Variants in IGSF10 observed in about 807,000 individuals in gnomAD.
IGSF10 encodes the protein calvaria mechanical force protein 608.
In IGSF10, 126 loss-of-function variants were observed where a neutral mutation model predicts 128.2. The ratio of observed to expected loss-of-function variants is 0.98; its 90% CI spans 0.85 to 1.14. The LOEUF (loss-of-function observed/expected upper bound fraction) is 1.14. Ranked by LOEUF, IGSF10 falls within the 50% of genes most tolerant of loss-of-function variation. The pLI is 0.00. For missense variants in IGSF10, 3,295 were observed against 3,149.8 expected (o/e 1.05, Z -1.10); for synonymous variants, 1,185 against 1,146.2 (o/e 1.03, Z -0.68).
At chr3:151,454,767 G>A (rs561532731) in intron 4 of IGSF10, among the ~76,000 whole-genome samples, 1 of 152,174 alleles carries the variant, frequency 6.6e-6, no homozygotes, top group South Asian at 2.1e-4. Context: ...GCTGAGGCGG[G>A]CAGATCACTT....
chr3:151,563,447 G>C, the IGSF10 span, among the ~76,000 whole-genome samples: 2 of 152,180 alleles, frequency 1.3e-5, no homozygotes, highest in African/African-American at 4.8e-5. Context: ...TCTAGGGAGA[G>C]AGTTCAGTTT....
the IGSF10 span, among the ~76,000 whole-genome samples, chr3:151,478,273 T>C: frequency 9.9e-5 from 15 of 152,228 alleles, no homozygotes; most frequent in African/African-American, 3.6e-4. Context: ...ACCATGGTGT[T>C]CTTTGTCATG....
At chr3:151,557,688 C>G in the IGSF10 span, among the ~76,000 whole-genome samples, 1 of 151,882 alleles carries the variant, frequency 6.6e-6, no homozygotes, top group African/African-American at 2.4e-5. Flanking sequence ...GACTTCCAAT[C>G]TCTCTGGAAA....
the IGSF10 span, among the ~76,000 whole-genome samples, chr3:151,471,234 C>G: frequency 6.6e-6 from 1 of 152,104 alleles, no homozygotes; most frequent in Non-Finnish European, 1.5e-5. Context: ...GCTTCCCCAG[C>G]CATGTGGAAC....
chr3:151,515,362 G>A, the IGSF10 span, among the ~76,000 whole-genome samples: 1,738 of 149,760 alleles, frequency 0.012, 18 homozygotes, highest in Middle Eastern at 0.056. Context: ...GCAAACTATC[G>A]CAAGGACAGA....
the IGSF10 span, among the ~76,000 whole-genome samples, chr3:151,514,391 T>C: frequency 9.3e-4 from 141 of 152,292 alleles, 2 homozygotes; most frequent in Non-Finnish European, 2.9e-4. Flanking sequence ...ATTTAATAAA[T>C]GGTGCTGGGA....
chr3:151,454,172 C>T (rs1721665146), intron 4 of IGSF10, among the ~76,000 whole-genome samples: 1 of 151,946 alleles, frequency 6.6e-6, no homozygotes. Flanking sequence ...TGCCCACCAC[C>T]ATGCCCAGCT....
the IGSF10 span, among the ~76,000 whole-genome samples, chr3:151,476,613 G>A: frequency 3.3e-5 from 5 of 152,160 alleles, no homozygotes; most frequent in African/African-American, 9.7e-5. Flanking sequence ...TGCGCCTTGG[G>A]ACTGGGCCTG....
rs909812596 is a variant in IGSF10 at position 151,459,442 on chromosome 3, C to CA, written c.-1-733dup. Reference sequence around the variant, plus strand: ...TTCTAACCGGTTTTCAAGTCCCTGCCAAAAAAAAAGACACATTGAACACTT... The same window carrying CA: ...TTCTAACCGGTTTTCAAGTCCCTGCCAAAAAAAAAAGACACATTGAACACTT... On this transcript the variant is annotated intron_variant, in intron 2 of 7. Transcript: ENST00000282466. Among the ~76,000 whole-genome samples the CA allele has an allele frequency of 1.7e-3, 256 of 150,020 alleles. 1 individual carries two copies. The highest frequency in any genetic ancestry group is 1.4e-3 in the East Asian group (7 of 5,134).
the IGSF10 span, among the ~76,000 whole-genome samples, chr3:151,469,221 T>G: frequency 6.6e-6 from 1 of 152,224 alleles, no homozygotes; most frequent in Non-Finnish European, 1.5e-5. Context: ...ATCTTTATAA[T>G]AGAATGATTT....
In IGSF10 at chr3:151,460,981, C is replaced by T. The variant is rs113242095; in HGVS notation, c.-124G>A. On this transcript the variant is annotated 5_prime_UTR_variant, in exon 1 of 8. Coordinates refer to ENST00000282466, the MANE Select transcript of IGSF10 (RefSeq NM_178822.5). ...TGGTGACCAATGGGCTCGAGCTGCC[C>T]GGGCTAGGTCCCGGGCTCGGTCCCG... 6.1e-6 allele frequency: 6 copies of T among 984,624 alleles called. No homozygotes were observed. Among genetic ancestry groups the T allele is most frequent in the African/African-American group, 5.2e-5 (3 of 57,212 alleles). The allele number at this position is 984,624 out of a possible 1,614,324, so 61.0% of individuals were successfully genotyped here.
At chr3:151,464,204 T>G (rs1036237665), upstream of IGSF10, among the ~76,000 whole-genome samples, 1 of 152,214 alleles carries the variant, frequency 6.6e-6, no homozygotes, top group African/African-American at 2.4e-5. Context: ...AAGGATGGTT[T>G]GACATTTTAA....
At chr3:151,480,949 C>T in the IGSF10 span, among the ~76,000 whole-genome samples, 1 of 152,272 alleles carries the variant, frequency 6.6e-6, no homozygotes, top group South Asian at 2.1e-4. Flanking sequence ...GGCATAGTAC[C>T]CTGTCCCCCA....
chr3:151,496,544 T>C, the IGSF10 span, among the ~76,000 whole-genome samples: 1 of 84,268 alleles, frequency 1.2e-5, no homozygotes, highest in East Asian at 3.9e-4. Flanking sequence ...TATGGCTGCA[T>C]AGTATTCCAT....
chr3:151,591,788 A>C, the IGSF10 span, among the ~76,000 whole-genome samples: 2 of 152,188 alleles, frequency 1.3e-5, no homozygotes, highest in African/African-American at 4.8e-5. Context: ...GGAAAGAGGA[A>C]GAATTTTGCT....
chr3:151,525,733 C>A, the IGSF10 span, among the ~76,000 whole-genome samples: 1 of 152,188 alleles, frequency 6.6e-6, no homozygotes, highest in South Asian at 2.1e-4. Context: ...TACCCTTACC[C>A]TTTGAATCCC....
rs771914892 is a variant in IGSF10, at chr3:151,447,659, A to T, written c.2322T>A (p.Asn774Lys). 6.2e-7 allele frequency: 1 copy of T among 1,614,014 alleles called. No individual in the cohort carries two copies. The highest frequency in any genetic ancestry group is 8.5e-7 in the Non-Finnish European group (1 of 1,180,014). Reference protein sequence around the residue: ...KKNAMPDKRENTTVSPPPVVT... With the variant: ...KKNAMPDKREKTTVSPPPVVT... ...CCACTGGGGGTGGGCTCACTGTGGT[A>T]TTTTCTCGCTTGTCTGGCATAGCAT... The change falls in exon 6 of 8, where the codon AAT (asparagine) becomes AAA (lysine). Residue 774 changes from asparagine to lysine, a missense_variant. By Grantham distance (94) the Asn-to-Lys change is moderately conservative. Coordinates refer to ENST00000282466, the MANE Select transcript of IGSF10 (RefSeq NM_178822.5).
At chr3:151,496,628 A>G in the IGSF10 span, among the ~76,000 whole-genome samples, 37,833 of 138,268 alleles carry the variant, frequency 0.27, 5,934 homozygotes, top group Middle Eastern at 0.39. Context: ...GAATAGTGCC[A>G]CAATAAACAT....
chr3:151,456,115 G>A (rs1360836896), intron 4 of IGSF10, among the ~76,000 whole-genome samples: 1 of 152,102 alleles, frequency 6.6e-6, no homozygotes, highest in Non-Finnish European at 1.5e-5. Context: ...TTCTATAAAG[G>A]ACATGCAATC....
Sources: gnomAD v4.1 joint callset for allele counts (sites outside exome capture counted in the v4.1 genomes callset) on GRCh38, gnomAD v4.1.1 for gene constraint, MANE v1.5 for transcripts, NCBI Gene and HGNC (gene_info 2026-07-23, HGNC 2026-07-21) for gene names.